Variants in ULK4 observed in about 807,000 individuals in gnomAD.
ULK4 encodes inactive serine/threonine-protein kinase ULK4.
In ULK4, 133 loss-of-function variants were observed where a neutral mutation model predicts 160.6. That is an observed-to-expected ratio of 0.83 (90% CI 0.72 to 0.96). The LOEUF (loss-of-function observed/expected upper bound fraction) is 0.96, where lower values mean the gene tolerates loss of function less well. ULK4 is among the 40% of genes least tolerant of loss of function. ULK4 has a pLI of 0.00. For synonymous variants in ULK4, 534 were observed against 539.8 expected (o/e 0.99, Z 0.15); for missense variants, 1,580 against 1,499.5 (o/e 1.05, Z -0.89).
At chr3:41,787,203 A>C (rs150305927) in intron 21 of ULK4, among the ~76,000 whole-genome samples, 151 of 152,260 alleles carry the variant, frequency 9.9e-4, no homozygotes, top group Non-Finnish European at 1.7e-3. Flanking sequence ...CCCCTGCCAG[A>C]GTGGAGTCAC....
intron 33 of ULK4, among the ~76,000 whole-genome samples, chr3:41,461,846 G>T (rs2083692265): frequency 6.6e-6 from 1 of 152,036 alleles, no homozygotes; most frequent in South Asian, 2.1e-4. Context: ...ACATCTCAAA[G>T]AATTACAAAA....
intron 27 of ULK4, among the ~76,000 whole-genome samples, chr3:41,701,095 A>T (rs780604333): frequency 6.6e-6 from 1 of 152,158 alleles, no homozygotes. Context: ...TTAGAAAAAA[A>T]TGAGAAAGTT....
chr3:41,419,822 T>C (rs542121493), intron 34 of ULK4, among the ~76,000 whole-genome samples: 13 of 152,068 alleles, frequency 8.5e-5, no homozygotes, highest in South Asian at 2.1e-4. Context: ...CCTTATAGAC[T>C]TCTGAAAATG....
chr3:41,829,012 C>T (rs1446286674), intron 18 of ULK4, among the ~76,000 whole-genome samples: 2 of 151,026 alleles, frequency 1.3e-5, no homozygotes, highest in Admixed American at 6.6e-5. Flanking sequence ...ACTATCTGAT[C>T]TTTGACAAAC....
Position 41,375,998 on chromosome 3 carries a change from G to A in ULK4, c.3678+22081C>T, listed in dbSNP as rs145307799. 8.6e-4 allele frequency among the ~76,000 whole-genome samples: 130 copies of A among 150,404 alleles called. 2 individuals carry two copies. Among genetic ancestry groups the A allele is most frequent in the South Asian group, 1.9e-3 (9 of 4,626 alleles). Reference sequence around the variant, plus strand: ...GGATATGAACAGACACTTCTCAAACGAAGACATTTATGGGGCCAATAAACA... The same window carrying A: ...GGATATGAACAGACACTTCTCAAACAAAGACATTTATGGGGCCAATAAACA... On this transcript the variant is annotated intron_variant, in intron 35 of 36. Coordinates refer to ENST00000301831, the MANE Select transcript of ULK4 (RefSeq NM_017886.4).
chr3:41,250,293 T>C (rs1157140305), intron 35 of ULK4, among the ~76,000 whole-genome samples: 2 of 152,266 alleles, frequency 1.3e-5, no homozygotes, highest in African/African-American at 4.8e-5. Context: ...ATTCTACTAT[T>C]AGACTTGCTT....
At chr3:41,894,435 T>C (rs1015474913) in intron 16 of ULK4, among the ~76,000 whole-genome samples, 1 of 152,172 alleles carries the variant, frequency 6.6e-6, no homozygotes, top group African/African-American at 2.4e-5. Context: ...TTCACCAACA[T>C]AGAAGAATAA....
At chr3:41,383,535 C>G (rs1339503293) in intron 35 of ULK4, among the ~76,000 whole-genome samples, 1 of 152,174 alleles carries the variant, frequency 6.6e-6, no homozygotes, top group Admixed American at 6.5e-5. Context: ...TTCTGCGCAG[C>G]AAAAGCTGCA....
rs1203688330 is a variant in ULK4, at chr3:41,266,560, C to T, written c.3679-16986G>A. Among the ~76,000 whole-genome samples, 8 of 152,186 alleles carry T rather than the reference C, an allele frequency of 5.3e-5. No homozygotes were observed. The East Asian group carries it at 1.5e-3, about 29-fold the overall frequency. On this transcript the variant is annotated intron_variant, in intron 35 of 36. Transcript: ENST00000301831. ...GCTGTTTGGCTGCAAATACGCTGGA[C>T]TTTGTCATTGTTTCTTTGCATTTTT...
At chr3:41,458,187 AAAG>A (rs1184731339) in intron 33 of ULK4, among the ~76,000 whole-genome samples, 1 of 152,174 alleles carries the variant, frequency 6.6e-6, no homozygotes, top group Admixed American at 6.5e-5. Context: ...TATGGATTTC[AAAG>A]AAGAACTTTA....
At chr3:41,800,051 T>C (rs376351918) in intron 20 of ULK4, 81 bp downstream of exon 20, 2 of 1,261,392 alleles carry the variant, frequency 1.6e-6, no homozygotes, top group Non-Finnish European at 1.1e-6. Flanking sequence ...TTAAATTAAA[T>C]TTATTCTTAT....
At chr3:41,835,681 G>T (rs974463748) in intron 18 of ULK4, among the ~76,000 whole-genome samples, 183 bp downstream of exon 18, 2 of 152,204 alleles carry the variant, frequency 1.3e-5, no homozygotes, top group African/African-American at 4.8e-5. Flanking sequence ...GGGAGACAGG[G>T]TAAGATAGAA....
At chr3:41,890,808 G>A (rs114475503) in intron 16 of ULK4, among the ~76,000 whole-genome samples, 3 of 18,686 alleles carry the variant, frequency 1.6e-4, no homozygotes, top group African/African-American at 5.8e-4. Flanking sequence ...GATGGGGGAA[G>A]GAAGGGATGG....
chr3:41,287,385 T>C (rs969050755), intron 35 of ULK4, among the ~76,000 whole-genome samples: 1 of 152,134 alleles, frequency 6.6e-6, no homozygotes, highest in African/African-American at 2.4e-5. Context: ...TGAAATGATA[T>C]GAAGAGAAAA....
rs533487610 is a variant in ULK4, at chr3:41,907,190, T to A, written c.1182+655A>T. Among the ~76,000 whole-genome samples, 70 of 152,302 alleles carry A rather than the reference T, an allele frequency of 4.6e-4. 2 individuals carry two copies. In the South Asian group the frequency reaches 0.014, roughly 32 times the overall value. ...GAGAAACATGGGGTGGCGGGGGCAG[T>A]GACTGCTAATGGGTAGTTTCTTTGT... is the stretch of plus-strand genomic sequence containing the variant. On this transcript the variant is annotated intron_variant, in intron 12 of 36. Transcript: ENST00000301831.
chr3:41,763,476 C>A (rs1373705002), intron 21 of ULK4, among the ~76,000 whole-genome samples: 1 of 152,084 alleles, frequency 6.6e-6, no homozygotes, highest in Non-Finnish European at 1.5e-5. Flanking sequence ...GAAAAGAGGG[C>A]AATTACCATT....
At chr3:41,760,430 T>G (rs900436723) in intron 21 of ULK4, among the ~76,000 whole-genome samples, 14 of 152,098 alleles carry the variant, frequency 9.2e-5, no homozygotes, top group African/African-American at 3.4e-4. Flanking sequence ...AAATAAAAAC[T>G]TAAGTTCACA....
chr3:41,585,467 T>G (rs1432962786), intron 31 of ULK4, among the ~76,000 whole-genome samples: 3 of 152,186 alleles, frequency 2.0e-5, no homozygotes, highest in African/African-American at 4.8e-5. Context: ...GATGTCCACA[T>G]GCAAACAAAT....
intron 5 of ULK4, among the ~76,000 whole-genome samples, chr3:41,931,600 C>T (rs779277051): frequency 1.3e-4 from 19 of 151,782 alleles, no homozygotes; most frequent in Non-Finnish European, 2.2e-4. Context: ...CTCAGTAAAA[C>T]ATAAAGCTGA....
Sources: allele counts gnomAD v4.1 joint callset (sites outside exome capture counted in the v4.1 genomes callset), GRCh38; gene constraint gnomAD v4.1.1; transcripts MANE v1.5; gene names NCBI Gene and HGNC (gene_info 2026-07-23, HGNC 2026-07-21).